GORASP2: variants seen among roughly 807,000 people sequenced by gnomAD.
GORASP2 encodes the protein golgi reassembly stacking protein 2, also known as Golgi reassembly-stacking protein 2.
In GORASP2, 22 loss-of-function variants were observed where a neutral mutation model predicts 45.7. The ratio of observed to expected loss-of-function variants is 0.48; its 90% CI spans 0.34 to 0.69. The LOEUF (loss-of-function observed/expected upper bound fraction) is 0.69. Among genes scored for constraint, GORASP2 ranks in the 30% least tolerant of loss-of-function variants. The pLI is 0.01. For missense variants in GORASP2, 491 were observed against 562.7 expected (o/e 0.87, Z 1.29); for synonymous variants, 221 against 215.6 (o/e 1.02, Z -0.22).
At chr2:170,936,762 G>A in intron 1 of GORASP2, 1 of 590,832 alleles carries the variant, frequency 1.7e-6, no homozygotes, top group Non-Finnish European at 2.9e-6. Context: ...AGACCACGCT[G>A]GGCAACATAA....
chr2:170,952,787 C>T (rs949087835), intron 5 of GORASP2, among the ~76,000 whole-genome samples: 7 of 152,184 alleles, frequency 4.6e-5, no homozygotes, highest in East Asian at 1.9e-4. Flanking sequence ...GCTGTCCTCC[C>T]GCCTCAGCTT....
chr2:170,951,098 A>G (rs1677134998), intron 4 of GORASP2, among the ~76,000 whole-genome samples: 1 of 152,220 alleles, frequency 6.6e-6, no homozygotes, highest in Admixed American at 6.5e-5. Context: ...TTGTACTAAG[A>G]GTGCCAACTA....
At chr2:170,938,500 G>A (rs1331420884) in intron 1 of GORASP2, among the ~76,000 whole-genome samples, 1 of 152,146 alleles carries the variant, frequency 6.6e-6, no homozygotes, top group Non-Finnish European at 1.5e-5. Flanking sequence ...AATTTTAAAC[G>A]GGGAGTGCCA....
rs1202833271 is a variant in GORASP2 at position 170,951,325 on chromosome 2, C to A, written c.436-3C>A. 6.3e-7 allele frequency: 1 copy of A among 1,589,444 alleles called. No homozygotes were observed. Among genetic ancestry groups the A allele is most frequent in the Non-Finnish European group, 8.5e-7 (1 of 1,170,586 alleles). On this transcript the variant is annotated splice_polypyrimidine_tract_variant and splice_region_variant and intron_variant, in intron 4 of 9. Transcript: ENST00000234160. ...AACATTTTCTCCTGTGACACTTTTG[C>A]AGTCTGAAGATCTATTCAGCCTTAT...
At chr2:170,958,036 T>C (rs1457736235) in intron 7 of GORASP2, among the ~76,000 whole-genome samples, 1 of 152,226 alleles carries the variant, frequency 6.6e-6, no homozygotes, top group Non-Finnish European at 1.5e-5. Context: ...TGTTCTGTAA[T>C]GGACTTAAAA....
At chr2:170,930,618 C>T (rs1285882065) in intron 1 of GORASP2, among the ~76,000 whole-genome samples, 1 of 152,068 alleles carries the variant, frequency 6.6e-6, no homozygotes, top group African/African-American at 2.4e-5. Context: ...ACTAAAAATC[C>T]CTCCTCTGCC....
chr2:170,929,688 C>T (rs1275501155), intron 1 of GORASP2: 5 of 636,482 alleles, frequency 7.9e-6, no homozygotes, highest in South Asian at 3.1e-5. Context: ...GGGGGACAAC[C>T]TTGCTCTTTT....
intron 1 of GORASP2, among the ~76,000 whole-genome samples, chr2:170,933,013 G>A (rs1703863704): frequency 6.6e-6 from 1 of 152,018 alleles, no homozygotes; most frequent in South Asian, 2.1e-4. Context: ...AAACAAGGTT[G>A]TCTAAAAAAT....
Position 170,951,316 on chromosome 2 carries a change from A to G in GORASP2, c.436-12A>G, listed in dbSNP as rs759939475. 16 of 1,586,472 alleles carry G rather than the reference A, an allele frequency of 1.0e-5. No homozygotes were observed. The Admixed American group carries it at 2.8e-4, about 28-fold the overall frequency. Reference sequence around the variant, plus strand: ...GTAACGTGAAACATTTTCTCCTGTGACACTTTTGCAGTCTGAAGATCTATT... The same window carrying G: ...GTAACGTGAAACATTTTCTCCTGTGGCACTTTTGCAGTCTGAAGATCTATT... On this transcript the variant is annotated splice_polypyrimidine_tract_variant and intron_variant, in intron 4 of 9. Coordinates refer to ENST00000234160, the MANE Select transcript of GORASP2 (RefSeq NM_015530.5).
chr2:170,952,751 C>T (rs556114656), intron 5 of GORASP2, among the ~76,000 whole-genome samples: 58 of 152,300 alleles, frequency 3.8e-4, no homozygotes, highest in African/African-American at 1.2e-3. Flanking sequence ...TCATAGTTCA[C>T]TGCAGCCTTT....
rs1190175080 is a variant in GORASP2, at chr2:170,951,467, AT to A, written c.566+15del. ...TGGGGTGGAGAAGGCAGGTAAGGTC[AT>A]TTTTTAGACTAAGTTATGACTGCTT... On this transcript the variant is annotated intron_variant, in intron 5 of 9. Transcript: ENST00000234160. 2 of 1,599,068 alleles carry A rather than the reference AT, an allele frequency of 1.3e-6. No homozygotes were observed. Among genetic ancestry groups the A allele is most frequent in the South Asian group, 1.1e-5 (1 of 88,694 alleles).
intron 1 of GORASP2, chr2:170,936,758 C>T (rs72876669): frequency 0.06 from 36,631 of 607,494 alleles, 1,382 homozygotes; most frequent in Non-Finnish European, 0.072. Context: ...TTTAAGACCA[C>T]GCTGGGCAAC....
chr2:170,936,551 C>G, intron 1 of GORASP2: 1 of 879,460 alleles, frequency 1.1e-6, no homozygotes, highest in Non-Finnish European at 1.6e-6. Context: ...CTGTACATTT[C>G]CCTGTTGGCA....
intron 7 of GORASP2, among the ~76,000 whole-genome samples, chr2:170,957,179 G>A (rs1041033216): frequency 4.6e-5 from 7 of 152,164 alleles, no homozygotes; most frequent in African/African-American, 1.4e-4. Flanking sequence ...ACACGTTTGC[G>A]TGTTTCTGAA....
At chr2:170,963,450 GCTCCTCCTCCTCCTC>G (rs564256437) in intron 9 of GORASP2, among the ~76,000 whole-genome samples, 8 of 134,368 alleles carry the variant, frequency 6.0e-5, no homozygotes, top group African/African-American at 2.4e-4. Context: ...TGCTGCTGCT[GCTCCTCCTCCTCCTC>G]CTCCTCCCCC....
chr2:170,946,042 C>T lies in GORASP2; in HGVS notation c.64-2308C>T, dbSNP rs182553368. Reference sequence around the variant, plus strand: ...TTTGTTTTGTTTTGAGACAGGGTCTCGCCCTGTCCCCTATACCGGAGTGCA... The same window carrying T: ...TTTGTTTTGTTTTGAGACAGGGTCTTGCCCTGTCCCCTATACCGGAGTGCA... On this transcript the variant is annotated intron_variant, in intron 1 of 9. Transcript: ENST00000234160. 3.2e-3 allele frequency among the ~76,000 whole-genome samples: 491 copies of T among 152,108 alleles called. 2 individuals are homozygous for T. The highest frequency in any genetic ancestry group is 6.0e-3 in the Non-Finnish European group (409 of 68,002).
chr2:170,961,575 G>A (rs1704561861), intron 7 of GORASP2, 88 bp from the exon 8 acceptor site: 20 of 794,554 alleles, frequency 2.5e-5, no homozygotes, highest in Non-Finnish European at 3.0e-5. Context: ...CACGGGGCAA[G>A]GAGGGACTGC....
chr2:170,929,204 C>T (rs2105306217), upstream of GORASP2: 2 of 589,616 alleles, frequency 3.4e-6, no homozygotes, highest in Non-Finnish European at 5.1e-6. Context: ...GACGATCTCC[C>T]GGCGGGCTGT....
At chr2:170,964,133 C>T (rs1436929457) in intron 9 of GORASP2, among the ~76,000 whole-genome samples, 1 of 152,168 alleles carries the variant, frequency 6.6e-6, no homozygotes, top group Non-Finnish European at 1.5e-5. Context: ...CCTACAAGTC[C>T]ATGCAGTTAA....
Sources: gnomAD v4.1 joint callset for allele counts (sites outside exome capture counted in the v4.1 genomes callset) on GRCh38, gnomAD v4.1.1 for gene constraint, MANE v1.5 for transcripts, NCBI Gene and HGNC (gene_info 2026-07-23, HGNC 2026-07-21) for gene names.